Variants in GLMN observed in about 807,000 individuals in gnomAD.
GLMN encodes glomulin.
A neutral mutation model predicts 87.8 loss-of-function variants in GLMN; 75 were observed. The ratio of observed to expected loss-of-function variants is 0.85; its 90% CI spans 0.71 to 1.04. The LOEUF is 1.04. GLMN is among the 50% of genes least tolerant of loss of function. GLMN has a pLI of 0.00. For synonymous variants in GLMN, 206 were observed against 221.6 expected (o/e 0.93, Z 0.63); for missense variants, 588 against 658.8 (o/e 0.89, Z 1.18).
chr1:92,312,275 G>A, the GLMN span, among the ~76,000 whole-genome samples: 3 of 151,936 alleles, frequency 2.0e-5, no homozygotes, highest in African/African-American at 7.3e-5. Flanking sequence ...AAATTAGCTG[G>A]GTGTGGTGGC....
At chr1:92,320,305 G>A in the GLMN span, among the ~76,000 whole-genome samples, 5 of 151,692 alleles carry the variant, frequency 3.3e-5, no homozygotes, top group Non-Finnish European at 7.4e-5. Flanking sequence ...ATGGAGTCTC[G>A]CTCTGTCGCC....
At chr1:92,333,250 T>G in the GLMN span, 3 of 626,462 alleles carry the variant, frequency 4.8e-6, no homozygotes, top group Non-Finnish European at 8.3e-6. Context: ...TACTCAAATT[T>G]AAATCTAATT....
chr1:92,329,806 T>G, the GLMN span, among the ~76,000 whole-genome samples: 1 of 152,256 alleles, frequency 6.6e-6, no homozygotes, highest in African/African-American at 2.4e-5. Flanking sequence ...AATATTTGCC[T>G]TAGAATTTTT....
intron 5 of GLMN, 120 bp downstream of exon 5, chr1:92,290,078 A>G: frequency 1.4e-6 from 1 of 709,562 alleles, no homozygotes; most frequent in Non-Finnish European, 2.6e-6. Flanking sequence ...TATTGGTTTA[A>G]GCAGAGTACT....
intron 8 of GLMN, among the ~76,000 whole-genome samples, chr1:92,270,574 T>A (rs906206473): frequency 6.6e-6 from 1 of 152,248 alleles, no homozygotes; most frequent in African/African-American, 2.4e-5. Flanking sequence ...TATATTCATA[T>A]ATAAATGCAC....
At chr1:92,271,691 C>T (rs1305378676) in intron 7 of GLMN, 39 bp from the exon 8 acceptor site, 3 of 1,360,980 alleles carry the variant, frequency 2.2e-6, no homozygotes, top group Admixed American at 1.7e-5. Context: ...AGCACACAGA[C>T]TCTAAAATGC....
Position 92,264,494 on chromosome 1 carries a change from A to C in GLMN, c.1299+60T>G, listed in dbSNP as rs1655386829. ...AATAACTCACATTAATGTATTCTAC[A>C]TATGAATAAATATACCCTACGAAAT... On this transcript the variant is annotated intron_variant, in intron 14 of 18. Coordinates refer to ENST00000370360, the MANE Select transcript of GLMN (RefSeq NM_053274.3). 1.1e-5 allele frequency: 9 copies of C among 796,078 alleles called. No individual in the cohort carries two copies. In the South Asian group the frequency reaches 1.3e-4, roughly 11 times the overall value. 49.3% of individuals were successfully genotyped at this position (796,078 alleles called of 1,614,324 possible). A position where few individuals can be genotyped will look rare whatever the true frequency, so the allele number is the denominator to read the frequency against.
At chr1:92,248,965 GTATGT>G (rs1057282051) in intron 16 of GLMN, among the ~76,000 whole-genome samples, 1 of 152,066 alleles carries the variant, frequency 6.6e-6, no homozygotes, top group African/African-American at 2.4e-5. Context: ...AAATAAAGAT[GTATGT>G]TATGATTCTA....
intron 16 of GLMN, among the ~76,000 whole-genome samples, chr1:92,257,187 C>T (rs944818516): frequency 1.3e-5 from 2 of 152,122 alleles, no homozygotes; most frequent in East Asian, 3.9e-4. Context: ...AAGAATCCAA[C>T]TTGCAAGGGA....
chr1:92,346,265 G>A, the GLMN span, among the ~76,000 whole-genome samples: 1 of 151,694 alleles, frequency 6.6e-6, no homozygotes, highest in South Asian at 2.1e-4. Flanking sequence ...CCAGGCTCAA[G>A]CAATTCTCCC....
upstream of GLMN, chr1:92,299,239 C>T (rs1358530632): frequency 6.0e-6 from 4 of 670,398 alleles, no homozygotes; most frequent in Non-Finnish European, 9.3e-6. Context: ...TCCTGAAAGG[C>T]TGCTTCAGGG....
At chr1:92,294,104 A>G (rs899318261) in intron 3 of GLMN, among the ~76,000 whole-genome samples, 2 of 152,210 alleles carry the variant, frequency 1.3e-5, no homozygotes, top group Non-Finnish European at 2.9e-5. Context: ...AAATGAGTAT[A>G]ATTGGTTTGT....
the GLMN span, among the ~76,000 whole-genome samples, chr1:92,328,120 T>G: frequency 1.3e-5 from 2 of 152,252 alleles, no homozygotes; most frequent in African/African-American, 4.8e-5. Flanking sequence ...GATAACCTGA[T>G]GACTATGTGC....
At chr1:92,326,730 A>AG in the GLMN span, among the ~76,000 whole-genome samples, 1 of 152,184 alleles carries the variant, frequency 6.6e-6, no homozygotes, top group African/African-American at 2.4e-5. Flanking sequence ...TTGTCAGGGA[A>AG]GTGGGGGAAA....
chr1:92,309,566 TACAC>T, the GLMN span, among the ~76,000 whole-genome samples: 26 of 24,880 alleles, frequency 1.0e-3, no homozygotes, highest in East Asian at 8.8e-3. Flanking sequence ...CACATACACA[TACAC>T]ATATACATAT....
chr1:92,300,308 A>C (rs1040130736), upstream of GLMN: 11 of 1,244,492 alleles, frequency 8.8e-6, no homozygotes, highest in African/African-American at 1.5e-5. Context: ...CCAATTTTAA[A>C]ACAATAATGG....
At chr1:92,293,248 A>G (rs1649627205) in intron 3 of GLMN, among the ~76,000 whole-genome samples, 1 of 152,202 alleles carries the variant, frequency 6.6e-6, no homozygotes, top group African/African-American at 2.4e-5. Flanking sequence ...TCAAAACTAC[A>G]ATGGGATATC....
Position 92,291,486 on chromosome 1 carries a change from G to C in GLMN, c.217C>G (p.Leu73Val). The change falls in exon 4 of 19, where the codon CTT becomes GTT. Residue 73 changes from leucine (L) to valine (V), a missense_variant. Physicochemically the swap from Leu to Val is conservative, Grantham distance 32 (BLOSUM62 1). Transcript: ENST00000370360. ...WNLVGPVVRC[L>V]LCKDKEDSKR... ...CTATCCTCTTTATCTTTACACAAAA[G>C]GCATCGAACAACAGGACCAACGAGA... 6.2e-7 allele frequency: 1 copy of C among 1,608,590 alleles called. No homozygotes were observed. Among genetic ancestry groups the C allele is most frequent in the Non-Finnish European group, 8.5e-7 (1 of 1,175,124 alleles).
chr1:92,300,106 A>AT, upstream of GLMN: 1 of 853,584 alleles, frequency 1.2e-6, no homozygotes, highest in East Asian at 2.5e-5. Flanking sequence ...AAAATACAGT[A>AT]TTTTAATCTT....
Sources: allele counts gnomAD v4.1 joint callset (sites outside exome capture counted in the v4.1 genomes callset), GRCh38; gene constraint gnomAD v4.1.1; transcripts MANE v1.5; gene names NCBI Gene and HGNC (gene_info 2026-07-23, HGNC 2026-07-21).